The following KAZN variants were observed in gnomAD, a reference collection of about 807,000 sequenced individuals.
KAZN encodes the protein kazrin.
Under a neutral mutation model 87.4 loss-of-function variants are expected in KAZN, and 40 were observed. The observed-to-expected ratio is 0.46, with a 90% confidence interval of 0.36 to 0.60. The LOEUF is 0.60. KAZN is among the 20% of genes least tolerant of loss of function. The pLI is 0.00. For missense variants in KAZN, 898 were observed against 1,073.9 expected, an observed-to-expected ratio of 0.84 and a Z score of 2.29; for synonymous variants, 466 against 458.3, an observed-to-expected ratio of 1.02 and a Z score of -0.22.
chr1:14,520,847 G>A (rs1671548435), intron 2 of KAZN, among the ~76,000 whole-genome samples: 1 of 152,144 alleles, frequency 6.6e-6, no homozygotes, highest in Non-Finnish European at 1.5e-5. Context: ...AAATGAAAGA[G>A]CTGAACCAAA....
chr1:14,838,353 C>T (rs1355949686), intron 1 of KAZN, among the ~76,000 whole-genome samples: 1 of 152,194 alleles, frequency 6.6e-6, no homozygotes, highest in Non-Finnish European at 1.5e-5. Flanking sequence ...TCTGAATGTA[C>T]TTATCCATGA....
chr1:14,429,114 G>A (rs1209623871), intron 2 of KAZN, among the ~76,000 whole-genome samples: 3 of 152,072 alleles, frequency 2.0e-5, no homozygotes, highest in Non-Finnish European at 4.4e-5. Flanking sequence ...AGGAGGGACC[G>A]TGTCATATAA....
chr1:15,042,077 G>C lies in KAZN; in HGVS notation c.556-1912G>C, dbSNP rs536785207. 3.9e-5 allele frequency among the ~76,000 whole-genome samples: 6 copies of C among 152,304 alleles called. No homozygotes were observed. In the South Asian group the frequency reaches 1.2e-3, roughly 32 times the overall value. ...CCAAGAAGGTGGGAGTCCAAAACTT[G>C]AAAGCACCTACAGGCCTTCCCACCC... is the stretch of plus-strand genomic sequence containing the variant. On this transcript the variant is annotated intron_variant, in intron 3 of 14. Transcript: ENST00000376030.
At chr1:14,747,580 C>T (rs901583872) in intron 1 of KAZN, among the ~76,000 whole-genome samples, 8 of 152,210 alleles carry the variant, frequency 5.3e-5, no homozygotes, top group East Asian at 1.9e-4. Flanking sequence ...GCACCTGGCC[C>T]GTATCACATT....
rs1044574236 is a variant in KAZN, at chr1:14,735,900, C to T, written c.226+136677C>T. Among the ~76,000 whole-genome samples, 1 of 152,202 alleles carries T rather than the reference C, an allele frequency of 6.6e-6. No individual in the cohort carries two copies. The highest frequency in any genetic ancestry group is 2.4e-5 in the African/African-American group (1 of 41,470). On this transcript the variant is annotated intron_variant, in intron 1 of 14. Coordinates refer to ENST00000376030, the MANE Select transcript of KAZN (RefSeq NM_201628.3). The surrounding 1 kb of genome is among the most constrained non-coding windows in gnomAD (Gnocchi z 4.3). Reference sequence around the variant, plus strand: ...GCTTGAGCTTGAGGTTGGTGACAATCTCCACCTGTGGCCATAGAAGAATAA... The same window carrying T: ...GCTTGAGCTTGAGGTTGGTGACAATTTCCACCTGTGGCCATAGAAGAATAA...
chr1:14,777,669 C>T (rs1338546965), intron 1 of KAZN, among the ~76,000 whole-genome samples: 1 of 152,184 alleles, frequency 6.6e-6, no homozygotes, highest in South Asian at 2.1e-4. Context: ...CAGACTTCCT[C>T]GTCACTCTGC....
intron 2 of KAZN, among the ~76,000 whole-genome samples, chr1:14,568,109 T>C (rs1007821536): frequency 2.0e-5 from 3 of 152,306 alleles, no homozygotes; most frequent in Non-Finnish European, 2.9e-5. Flanking sequence ...CCTGACCTCA[T>C]CAGGTGAGCC....
chr1:14,148,975 T>C (rs1276369140), intron 1 of KAZN, among the ~76,000 whole-genome samples: 1 of 151,800 alleles, frequency 6.6e-6, no homozygotes, highest in Non-Finnish European at 1.5e-5. Context: ...CTGTAGGGTG[T>C]TCTGTAGTTG....
In KAZN at chr1:14,629,143, G is replaced by A. The variant is rs151031444; in HGVS notation, c.226+29920G>A. ...ATTACAGGTGTGAGCCACCATACCC[G>A]GCCTCACATTAATTCTTAAAGAGAT... On this transcript the variant is annotated intron_variant, in intron 1 of 14. Transcript: ENST00000376030. Among the ~76,000 whole-genome samples the A allele has an allele frequency of 1.4e-3, 213 of 152,212 alleles. 2 individuals carry two copies. The highest frequency in any genetic ancestry group is 4.9e-3 in the African/African-American group (205 of 41,522).
At chr1:15,057,171 T>C (rs1218329242) in intron 5 of KAZN, among the ~76,000 whole-genome samples, 4 of 152,108 alleles carry the variant, frequency 2.6e-5, no homozygotes, top group Non-Finnish European at 4.4e-5. Context: ...AGGTGAGTCA[T>C]TGGGACGAAG....
intron 1 of KAZN, among the ~76,000 whole-genome samples, chr1:14,905,463 G>A (rs192574879): frequency 7.2e-4 from 110 of 152,292 alleles, no homozygotes; most frequent in Non-Finnish European, 1.4e-3. Context: ...AGGTCCCCCA[G>A]GCCTGCATCT....
chr1:14,655,847 A>G (rs919854382), intron 1 of KAZN, among the ~76,000 whole-genome samples: 2 of 152,292 alleles, frequency 1.3e-5, no homozygotes, highest in African/African-American at 2.4e-5. Flanking sequence ...CAAGCGGCCA[A>G]AGAAGGGACC....
rs550185940 is a variant in KAZN at position 14,613,731 on chromosome 1, G to A, written c.226+14508G>A. On this transcript the variant is annotated intron_variant, in intron 1 of 14. Transcript: ENST00000376030. ...GAGATGTGTGGATTTTGGACTTCTC[G>A]TCACCTTCTCTGGCCACCCAGAGTC... Among the ~76,000 whole-genome samples the A allele has an allele frequency of 3.9e-5, 6 of 152,240 alleles. No individual in the cohort carries two copies. The South Asian group carries it at 1.0e-3, about 26-fold the overall frequency.
At chr1:14,800,453 C>G (rs1273000767) in intron 1 of KAZN, among the ~76,000 whole-genome samples, 1 of 152,192 alleles carries the variant, frequency 6.6e-6, no homozygotes. Context: ...GTAATCCCAG[C>G]ACTTTGGGAG....
chr1:14,879,957 A>G (rs1164610906), intron 1 of KAZN, among the ~76,000 whole-genome samples: 1 of 152,224 alleles, frequency 6.6e-6, no homozygotes, highest in African/African-American at 2.4e-5. Context: ...AAGAAGGCTC[A>G]CAAAGATTGA....
intron 2 of KAZN, among the ~76,000 whole-genome samples, chr1:14,368,734 T>C (rs895941114): frequency 6.6e-6 from 1 of 152,218 alleles, no homozygotes; most frequent in African/African-American, 2.4e-5. Context: ...AAGAGAAGGC[T>C]TCGCTTCAAC....
chr1:14,492,729 CACATACA>C (rs1669733068), intron 2 of KAZN, among the ~76,000 whole-genome samples: 1 of 15,312 alleles, frequency 6.5e-5, no homozygotes, highest in African/African-American at 2.4e-4. Context: ...CCACACACAC[CACATACA>C]GCACACACAC....
intron 2 of KAZN, among the ~76,000 whole-genome samples, chr1:14,227,440 C>T (rs1354719177): frequency 1.3e-5 from 2 of 152,176 alleles, no homozygotes; most frequent in Non-Finnish European, 2.9e-5. Context: ...TTCACTCACT[C>T]ACCTGGCTCC....
intron 2 of KAZN, among the ~76,000 whole-genome samples, chr1:14,389,810 A>G (rs551410827): frequency 1.3e-5 from 2 of 152,324 alleles, no homozygotes; most frequent in East Asian, 3.9e-4. Context: ...CAGGGTGATT[A>G]TAGTAAAAAA....
Sources: gnomAD v4.1 joint callset for allele counts (sites outside exome capture counted in the v4.1 genomes callset) on GRCh38, gnomAD v4.1.1 for gene constraint, Gnocchi (gnomAD v3.1) non-coding constraint, MANE v1.5 for transcripts, NCBI Gene and HGNC (gene_info 2026-07-23, HGNC 2026-07-21) for gene names.